The following CAPG variants were observed in gnomAD, a reference collection of about 807,000 sequenced individuals.
CAPG encodes the protein capping actin protein, gelsolin like, also known as macrophage-capping protein.
A neutral mutation model predicts 44.6 loss-of-function variants in CAPG; 32 were observed. The ratio of observed to expected loss-of-function variants is 0.72; its 90% CI spans 0.54 to 0.96. The LOEUF (loss-of-function observed/expected upper bound fraction) is 0.96. CAPG is among the 50% of genes least tolerant of loss of function. The pLI, the probability that CAPG is intolerant of heterozygous loss-of-function variation, is 0.00. For missense variants in CAPG, 412 were observed against 438.3 expected (o/e 0.94, Z 0.54); for synonymous variants, 175 against 179.6 (o/e 0.97, Z 0.20).
intron 1 of CAPG, among the ~76,000 whole-genome samples, chr2:85,408,338 T>TCTCACACACACACACACA (rs1425371847): frequency 3.1e-5 from 4 of 129,490 alleles, no homozygotes; most frequent in Non-Finnish European, 4.8e-5. Context: ...GAAGAATCTG[T>TCTCACACACACACACACA]CACACACACA....
At chr2:85,413,828 C>T (rs1170476339), upstream of CAPG, 2 of 152,256 alleles carry the variant, frequency 1.3e-5, no homozygotes, top group African/African-American at 2.4e-5. Flanking sequence ...CCCGCCTTTT[C>T]TTACAGGAAG....
chr2:85,398,671 G>C lies in CAPG; in HGVS notation c.759+19C>G. The C allele has an allele frequency of 6.3e-7, 1 of 1,580,524 alleles. No homozygotes were observed. The highest frequency in any genetic ancestry group is 1.8e-5 in the Admixed American group (1 of 55,584). On this transcript the variant is annotated intron_variant, in intron 7 of 9. Coordinates refer to ENST00000263867, the MANE Select transcript of CAPG (RefSeq NM_001747.4). The stretch of plus-strand genomic sequence containing the variant: ...ACCCTCCCTGCTGCCGGGTCCCAGG[G>C]CAGGCTTGGGGGGCCCACCTTATAC...
At chr2:85,397,963 C>A in intron 8 of CAPG, 57 bp downstream of exon 8, 1 of 1,567,502 alleles carries the variant, frequency 6.4e-7, no homozygotes, top group Non-Finnish European at 8.7e-7. Context: ...CAAAGGGAAG[C>A]CTGCCCGGGT....
At chr2:85,405,911 G>A (rs956590987) in intron 1 of CAPG, among the ~76,000 whole-genome samples, 1 of 152,210 alleles carries the variant, frequency 6.6e-6, no homozygotes, top group Non-Finnish European at 1.5e-5. Flanking sequence ...ATGAGACACG[G>A]AGTGCGCCAA....
chr2:85,406,281 G>C (rs1456230617), intron 1 of CAPG, among the ~76,000 whole-genome samples: 1 of 151,842 alleles, frequency 6.6e-6, no homozygotes, highest in East Asian at 1.9e-4. Context: ...AAAGGAGTTT[G>C]GCTGCTCATT....
intron 1 of CAPG, among the ~76,000 whole-genome samples, chr2:85,404,444 T>C (rs1303726853): frequency 6.6e-6 from 1 of 152,036 alleles, no homozygotes; most frequent in South Asian, 2.1e-4. Context: ...ACCACAACCC[T>C]ACAAAAATTT....
intron 1 of CAPG, among the ~76,000 whole-genome samples, chr2:85,406,883 C>T (rs556341663): frequency 4.0e-4 from 60 of 151,794 alleles, no homozygotes; most frequent in Non-Finnish European, 7.4e-4. Context: ...ATCCTGTTAG[C>T]TCAGTCTAGC....
Sources: gnomAD v4.1 joint callset for allele counts (sites outside exome capture counted in the v4.1 genomes callset) on GRCh38, gnomAD v4.1.1 for gene constraint, MANE v1.5 for transcripts, NCBI Gene and HGNC (gene_info 2026-07-23, HGNC 2026-07-21) for gene names.